The following SEPTIN12 variants were observed in gnomAD, a reference collection of about 807,000 sequenced individuals.
The protein encoded by SEPTIN12 is septin-12.
SEPTIN12 carries 42 observed loss-of-function variants against 37.7 expected under a neutral mutation model. The ratio of observed to expected loss-of-function variants is 1.11; its 90% CI spans 0.87 to 1.44. The LOEUF is 1.44. SEPTIN12 is among the 40% of genes most tolerant of loss of function. The probability of loss-of-function intolerance (pLI) is 0.00; values close to 1 mark genes in which losing one functional copy is unlikely to be tolerated. For missense variants in SEPTIN12, 613 were observed against 479.2 expected, an observed-to-expected ratio of 1.28 and a Z score of -2.61; for synonymous variants, 254 against 196.7, an observed-to-expected ratio of 1.29 and a Z score of -2.44.
chr16:4,787,346 A>C, intron 2 of SEPTIN12, 134 bp downstream of exon 2: 1 of 823,202 alleles, frequency 1.2e-6, no homozygotes, highest in Admixed American at 1.8e-5. Flanking sequence ...CAATGACAAC[A>C]TCCCTGTGAG....
chr16:4,788,088 G>A (rs2082488803), intron 1 of SEPTIN12, 192 bp downstream of exon 1: 1 of 172,192 alleles, frequency 5.8e-6, no homozygotes. Context: ...AGGGGGCTCA[G>A]GAGGAGGTGC....
At chr16:4,778,968 C>G (rs923657965) in intron 8 of SEPTIN12, among the ~76,000 whole-genome samples, 5 of 151,468 alleles carry the variant, frequency 3.3e-5, no homozygotes, top group Admixed American at 6.6e-5. Context: ...GAAACCCCGT[C>G]TCTCATAAAC....
Position 4,786,214 on chromosome 16 carries a change from C to T in SEPTIN12, c.167-109G>A, listed in dbSNP as rs1329035749. 4.3e-6 allele frequency: 6 copies of T among 1,396,952 alleles called. No homozygotes were observed. The East Asian group carries it at 1.2e-4, about 28-fold the overall frequency. The allele number at this position is 1,396,952 out of a possible 1,614,324, so 86.5% of individuals were successfully genotyped here. ...TTGGAGACAGGTTCTCACTCTGTCACCCAGGCTGGAGTGCAATGATGCAAT... is the reference window on the plus strand; with the variant it reads ...TTGGAGACAGGTTCTCACTCTGTCATCCAGGCTGGAGTGCAATGATGCAAT... On this transcript the variant is annotated intron_variant, in intron 2 of 9. Coordinates refer to ENST00000268231, the MANE Select transcript of SEPTIN12 (RefSeq NM_144605.5).
intron 7 of SEPTIN12, among the ~76,000 whole-genome samples, chr16:4,781,584 G>C (rs1464045640): frequency 2.0e-5 from 3 of 151,668 alleles, no homozygotes; most frequent in African/African-American, 7.3e-5. Context: ...TTTTGTCTGA[G>C]AAACATGTTT....
At chr16:4,779,370 C>T (rs1013756406) in intron 8 of SEPTIN12, among the ~76,000 whole-genome samples, 8 of 152,160 alleles carry the variant, frequency 5.3e-5, no homozygotes, top group African/African-American at 1.9e-4. Context: ...GCCTGATACA[C>T]AGTAGGCCCA....
chr16:4,784,218 C>T (rs2082408392), intron 4 of SEPTIN12, 150 bp from the exon 5 acceptor site: 3 of 746,854 alleles, frequency 4.0e-6, no homozygotes, highest in Middle Eastern at 3.6e-4. Flanking sequence ...TACTTTCCCC[C>T]ACTTCCCTGC....
rs915815446 is a variant in SEPTIN12 at position 4,783,536 on chromosome 16, G to C, written c.652C>G (p.His218Asp). The C allele has an allele frequency of 3.1e-6, 5 of 1,613,988 alleles. No individual in the cohort carries two copies. The highest frequency in any genetic ancestry group is 4.2e-6 in the Non-Finnish European group (5 of 1,179,984). Residue 218 changes from histidine (H) to aspartate (D), a missense_variant, in exon 7 of 10, where the codon CAC (histidine) becomes GAC (aspartate). By Grantham distance (81) the His-to-Asp change is moderately conservative. Coordinates refer to ENST00000268231, the MANE Select transcript of SEPTIN12 (RefSeq NM_144605.5). Reference protein sequence around the residue: ...RRRIQQNLRTHCIDVYPQMCF... With the variant: ...RRRIQQNLRTDCIDVYPQMCF... ...ATCTGGGGGTAGACGTCGATGCAGT[G>C]GGTCCTCAGGTTCTGCTGGATCTGG...
intron 1 of SEPTIN12, 84 bp from the exon 2 acceptor site, chr16:4,787,751 A>G (rs2082482194): frequency 3.1e-6 from 2 of 641,002 alleles, no homozygotes; most frequent in Non-Finnish European, 5.4e-6. Flanking sequence ...CCCCTATTTG[A>G]GCTTGGCCGT....
chr16:4,785,495 C>T lies in SEPTIN12; in HGVS notation c.374+312G>A, dbSNP rs562002998. Among the ~76,000 whole-genome samples, 385 of 152,140 alleles carry T rather than the reference C, an allele frequency of 2.5e-3. 1 individual carries two copies. The highest frequency in any genetic ancestry group is 8.5e-3 in the African/African-American group (352 of 41,498). On this transcript the variant is annotated intron_variant, in intron 4 of 9. Coordinates refer to ENST00000268231, the MANE Select transcript of SEPTIN12 (RefSeq NM_144605.5). The stretch of plus-strand genomic sequence containing the variant: ...ACCTTTGAGAACCCACCACTTGTTG[C>T]GGGCACAGTGGCTCATGCCTGTAAT...
chr16:4,790,000 G>A (rs376373999), upstream of SEPTIN12: 1 of 149,046 alleles, frequency 6.7e-6, no homozygotes, highest in Non-Finnish European at 1.5e-5. Flanking sequence ...CTGCAGCCTC[G>A]ACTTCCTGGG....
At chr16:4,786,323 C>G (rs968648907) in intron 2 of SEPTIN12, among the ~76,000 whole-genome samples, 1 of 150,992 alleles carries the variant, frequency 6.6e-6, no homozygotes, top group Non-Finnish European at 1.5e-5. Context: ...TGTAGGCACA[C>G]GCCACCATAC....
intron 8 of SEPTIN12, 59 bp downstream of exon 8, chr16:4,779,631 G>A: frequency 9.4e-7 from 1 of 1,058,492 alleles, no homozygotes; most frequent in Admixed American, 1.7e-5. Context: ...GGTTGCCCAA[G>A]GCTGCTCTGG....
At chr16:4,778,999 G>T (rs1047192851) in intron 8 of SEPTIN12, among the ~76,000 whole-genome samples, 3 of 150,702 alleles carry the variant, frequency 2.0e-5, no homozygotes, top group African/African-American at 7.3e-5. Flanking sequence ...TTAGCTGGGC[G>T]TGGTGGCAGG....
intron 7 of SEPTIN12, among the ~76,000 whole-genome samples, chr16:4,781,933 C>T (rs200952170): frequency 7.9e-5 from 9 of 114,620 alleles, no homozygotes; most frequent in African/African-American, 2.0e-4. Context: ...TGTGAGCCAC[C>T]GTGCCCGGCC....
chr16:4,788,626 C>G (rs973366724), upstream of SEPTIN12: 2 of 152,198 alleles, frequency 1.3e-5, no homozygotes, highest in South Asian at 4.1e-4. Flanking sequence ...TATCCGTGTC[C>G]ACGATTGGCG....
At chr16:4,788,510 C>T (rs1404306356), upstream of SEPTIN12, 1 of 152,206 alleles carries the variant, frequency 6.6e-6, no homozygotes, top group Non-Finnish European at 1.5e-5. Context: ...CAAGTAGAAC[C>T]AGGGGCCCAA....
intron 7 of SEPTIN12, among the ~76,000 whole-genome samples, chr16:4,780,142 C>T (rs1342753073): frequency 6.6e-6 from 1 of 152,098 alleles, no homozygotes; most frequent in Non-Finnish European, 1.5e-5. Context: ...ATATAGCTCA[C>T]ACCTATAATC....
chr16:4,785,783 A>C (rs374175530), intron 4 of SEPTIN12, 24 bp downstream of exon 4: 7 of 1,554,810 alleles, frequency 4.5e-6, no homozygotes, highest in Admixed American at 3.8e-5. Flanking sequence ...TGCCTAAAAA[A>C]AAAAAAAAAG....
chr16:4,788,578 G>C (rs1043000176), upstream of SEPTIN12: 1 of 152,210 alleles, frequency 6.6e-6, no homozygotes, highest in African/African-American at 2.4e-5. Context: ...CACTCTGCTG[G>C]GGTGAGCAAA....
Sources: allele counts gnomAD v4.1 joint callset (sites outside exome capture counted in the v4.1 genomes callset), GRCh38; gene constraint gnomAD v4.1.1; transcripts MANE v1.5; gene names NCBI Gene and HGNC (gene_info 2026-07-23, HGNC 2026-07-21).